Variants in PPARG observed in about 807,000 individuals in gnomAD.
PPARG encodes peroxisome proliferator activated receptor gamma.
PPARG carries 17 observed loss-of-function variants against 39.2 expected under a neutral mutation model. That is an observed-to-expected ratio of 0.43 (90% CI 0.30 to 0.65). The LOEUF (loss-of-function observed/expected upper bound fraction) is 0.65. Ranked by LOEUF, PPARG falls within the 30% of genes least tolerant of loss-of-function variation. The probability of loss-of-function intolerance (pLI) is 0.13; values close to 1 mark genes in which losing one functional copy is unlikely to be tolerated. For missense variants in PPARG, 406 were observed against 585.9 expected (o/e 0.69, Z 3.17); for synonymous variants, 223 against 215.7 (o/e 1.03, Z -0.30).
chr3:12,324,424 AT>A (rs2047635909), intron 2 of PPARG, among the ~76,000 whole-genome samples: 1 of 152,138 alleles, frequency 6.6e-6, no homozygotes, highest in Non-Finnish European at 1.5e-5. Context: ...GCAAGAATAG[AT>A]GTATAAAAGC....
intron 1 of PPARG, among the ~76,000 whole-genome samples, chr3:12,310,791 T>TAAAAAAAAAAAA (rs761238501): frequency 4.0e-5 from 2 of 50,332 alleles, no homozygotes; most frequent in African/African-American, 1.6e-4. Flanking sequence ...GCCTTAAATG[T>TAAAAAAAAAAAA]AAAAAAAAAA....
chr3:12,422,061 G>A (rs938817621), intron 7 of PPARG, among the ~76,000 whole-genome samples: 25 of 152,244 alleles, frequency 1.6e-4, no homozygotes, highest in African/African-American at 5.5e-4. Flanking sequence ...GGGGTCCCTG[G>A]GGCTCCCCCA....
intron 2 of PPARG, among the ~76,000 whole-genome samples, chr3:12,370,659 T>C (rs989885189): frequency 6.6e-6 from 1 of 152,248 alleles, no homozygotes; most frequent in African/African-American, 2.4e-5. Flanking sequence ...CTCTTTTGTG[T>C]ATTCTCGTGA....
chr3:12,342,227 TA>T (rs1405739411), intron 2 of PPARG, among the ~76,000 whole-genome samples: 1 of 152,188 alleles, frequency 6.6e-6, no homozygotes, highest in Non-Finnish European at 1.5e-5. Context: ...AGAATCAAGC[TA>T]AATGATACAA....
At chr3:12,392,554 G>A in intron 4 of PPARG, 60 bp from the exon 5 acceptor site, 1 of 1,588,436 alleles carries the variant, frequency 6.3e-7, no homozygotes, top group Non-Finnish European at 8.6e-7. Flanking sequence ...TTTCGCTGTA[G>A]GTTGCTGCTT....
intron 2 of PPARG, among the ~76,000 whole-genome samples, chr3:12,353,127 T>C (rs2048540666): frequency 1.3e-5 from 2 of 152,238 alleles, no homozygotes; most frequent in Admixed American, 1.3e-4. Context: ...TAATCTCTAA[T>C]TTTATGCTTT....
At chr3:12,300,311 C>T (rs563094396) in intron 1 of PPARG, among the ~76,000 whole-genome samples, 44 of 152,312 alleles carry the variant, frequency 2.9e-4, no homozygotes, top group African/African-American at 8.2e-4. Flanking sequence ...GTATCTGGCA[C>T]TGGGCACACA....
At chr3:12,368,091 A>T (rs1484889034) in intron 2 of PPARG, among the ~76,000 whole-genome samples, 1 of 152,094 alleles carries the variant, frequency 6.6e-6, no homozygotes, top group East Asian at 1.9e-4. Flanking sequence ...TAGTCTAAGT[A>T]GACAATAAAA....
chr3:12,326,039 AAAAG>A lies in PPARG; in HGVS notation c.-9+13590_-9+13593del, dbSNP rs1337835505. On this transcript the variant is annotated intron_variant, in intron 2 of 7. Transcript: ENST00000651735. ...CAAATTTAGTGATGCTGATGTAAGAAAAAGAAAACCACAAGAAGTCATCCCAAAT... is the reference window on the plus strand; with the variant it reads ...CAAATTTAGTGATGCTGATGTAAGAAAAAACCACAAGAAGTCATCCCAAAT... 5.9e-5 allele frequency among the ~76,000 whole-genome samples: 9 copies of A among 152,308 alleles called. No homozygotes were observed. The South Asian group carries it at 1.9e-3, about 32-fold the overall frequency.
At chr3:12,420,641 G>A (rs1050042361) in intron 7 of PPARG, among the ~76,000 whole-genome samples, 1 of 152,220 alleles carries the variant, frequency 6.6e-6, no homozygotes, top group Non-Finnish European at 1.5e-5. Context: ...GTAAGGAATT[G>A]GGGATTAATG....
At chr3:12,313,698 G>A (rs2047312513) in intron 2 of PPARG, among the ~76,000 whole-genome samples, 5 of 152,168 alleles carry the variant, frequency 3.3e-5, no homozygotes, top group African/African-American at 1.2e-4. Context: ...GAGCCTGGAG[G>A]ATGTTGTGGT....
intron 2 of PPARG, among the ~76,000 whole-genome samples, chr3:12,313,634 G>A (rs893059236): frequency 1.1e-4 from 17 of 152,272 alleles, no homozygotes; most frequent in African/African-American, 4.1e-4. Flanking sequence ...AAGGAAACCA[G>A]AGCTCTTTGG....
At chr3:12,382,543 G>A (rs1337447245) in intron 4 of PPARG, among the ~76,000 whole-genome samples, 2 of 152,048 alleles carry the variant, frequency 1.3e-5, no homozygotes, top group Non-Finnish European at 2.9e-5. Context: ...AGGACATCTT[G>A]GTTCCTAAAT....
intron 2 of PPARG, among the ~76,000 whole-genome samples, chr3:12,316,312 A>G (rs1476921110): frequency 3.9e-5 from 6 of 152,168 alleles, no homozygotes; most frequent in African/African-American, 1.4e-4. Context: ...TGTATGTTCA[A>G]CTAATTTAGC....
chr3:12,312,511 T>C (rs1295035263), intron 2 of PPARG, 58 bp downstream of exon 2: 2 of 152,230 alleles, frequency 1.3e-5, no homozygotes, highest in Non-Finnish European at 2.9e-5. Context: ...TTTTAAAGAA[T>C]ATGTAAATTA....
chr3:12,306,814 G>A lies in PPARG; in HGVS notation c.-82-5566G>A, dbSNP rs962400715. Among the ~76,000 whole-genome samples, 86 of 152,104 alleles carry A rather than the reference G, an allele frequency of 5.7e-4. 1 individual carries two copies. Among genetic ancestry groups the A allele is most frequent in the African/African-American group, 1.9e-3 (79 of 41,432 alleles). ...CATCATCACTTAGAAATCAACCGCT[G>A]GGCCGGGCGCGGTGGCTCACGCCTG... On this transcript the variant is annotated intron_variant, in intron 1 of 7. Transcript: ENST00000651735.
At chr3:12,330,460 CTT>C (rs2125045812) in intron 2 of PPARG, among the ~76,000 whole-genome samples, 1 of 152,164 alleles carries the variant, frequency 6.6e-6, no homozygotes, top group South Asian at 2.1e-4. Context: ...GTATTCAAGA[CTT>C]TTGTCCATTT....
intron 7 of PPARG, among the ~76,000 whole-genome samples, chr3:12,417,888 C>CTTTTTTTTTTTTCTTTTTTTTTTT (rs2051124632): frequency 1.1e-4 from 7 of 63,996 alleles, no homozygotes; most frequent in Non-Finnish European, 1.5e-4. Flanking sequence ...TTTTTTTTTT[C>CTTTTTTTTTTTTCTTTTTTTTTTT]TTTTTTTTTT....
intron 6 of PPARG, among the ~76,000 whole-genome samples, chr3:12,408,567 C>CT (rs397945616): frequency 0.12 from 13,509 of 113,206 alleles, 2,116 homozygotes; most frequent in African/African-American, 0.38. Context: ...CTTTTCTTTT[C>CT]TTTTTTTTTT....
Sources: allele counts gnomAD v4.1 joint callset (sites outside exome capture counted in the v4.1 genomes callset), GRCh38; gene constraint gnomAD v4.1.1; transcripts MANE v1.5; gene names NCBI Gene and HGNC (gene_info 2026-07-23, HGNC 2026-07-21).